Variants in VAV1 observed in about 807,000 individuals in gnomAD.
The protein encoded by VAV1 is proto-oncogene vav.
VAV1 carries 33 observed loss-of-function variants against 128.1 expected under a neutral mutation model. That is an observed-to-expected ratio of 0.26 (90% confidence interval 0.20 to 0.34). VAV1 has a LOEUF of 0.34. Among genes scored for constraint, VAV1 ranks in the 10% least tolerant of loss-of-function variants. The pLI, the probability that VAV1 is intolerant of heterozygous loss-of-function variation, is 1.00. For missense variants in VAV1, 715 were observed against 1,093.7 expected, an observed-to-expected ratio of 0.65 and a Z score of 4.88; for synonymous variants, 394 against 409.8, an observed-to-expected ratio of 0.96 and a Z score of 0.47.
intron 1 of VAV1, among the ~76,000 whole-genome samples, chr19:6,809,616 T>C (rs1463181143): frequency 6.6e-6 from 1 of 151,922 alleles, no homozygotes; most frequent in South Asian, 2.1e-4. Flanking sequence ...AACTTTGTGT[T>C]GGGGATGATG....
intron 1 of VAV1, among the ~76,000 whole-genome samples, chr19:6,806,679 T>A (rs1971404772): frequency 6.6e-6 from 1 of 152,166 alleles, no homozygotes; most frequent in Non-Finnish European, 1.5e-5. Flanking sequence ...CACTCTCTCA[T>A]TGGTCTGAAG....
chr19:6,853,918 C>T, intron 25 of VAV1, 29 bp from the exon 26 acceptor site: 1 of 1,601,338 alleles, frequency 6.2e-7, no homozygotes. Context: ...GCCCCAGACC[C>T]TTTTCTCACT....
At chr19:6,846,440 T>C (rs1972525548) in intron 22 of VAV1, among the ~76,000 whole-genome samples, 1 of 151,238 alleles carries the variant, frequency 6.6e-6, no homozygotes, top group Admixed American at 6.6e-5. Context: ...TACAGAAAAT[T>C]AGCTGGGCGT....
chr19:6,783,895 G>A (rs1341810857), intron 1 of VAV1, among the ~76,000 whole-genome samples: 2 of 152,122 alleles, frequency 1.3e-5, no homozygotes, highest in Admixed American at 1.3e-4. Flanking sequence ...AGAAGTCACT[G>A]CCGTAGAACC....
At position 6,777,924 on chromosome 19, in the gene VAV1, C is replaced by T. The variant is rs1397254355; in HGVS notation, c.204+4913C>T. 6.6e-6 allele frequency among the ~76,000 whole-genome samples: 1 copy of T among 152,154 alleles called. No individual in the cohort carries two copies. Among genetic ancestry groups the T allele is most frequent in the Admixed American group, 6.6e-5 (1 of 15,256 alleles). On this transcript the variant is annotated intron_variant, in intron 1 of 26. Coordinates refer to ENST00000602142, the MANE Select transcript of VAV1 (RefSeq NM_005428.4). The surrounding 1 kb of genome is among the most constrained non-coding windows in gnomAD (Gnocchi z 4.4). ...CAAGCAATTCTCCTGCAGCAGCCTC[C>T]TGAGTATCTGGGATTACAGGCGCCT...
At chr19:6,779,027 C>A (rs759550429) in intron 1 of VAV1, among the ~76,000 whole-genome samples, 1 of 146,038 alleles carries the variant, frequency 6.8e-6, no homozygotes, top group Non-Finnish European at 1.5e-5. Context: ...CAGGTGTGCA[C>A]CGGCATACCT....
Position 6,826,684 on chromosome 19 carries a change from C to G in VAV1, c.900C>G (p.Ala300=), listed in dbSNP as rs1379398284. The change falls in exon 9 of 27, where the codon GCC becomes GCG. Residue 300 remains alanine, a synonymous_variant. Transcript: ENST00000602142. This position sits in a 1 kb window ranked among gnomAD's most constrained non-coding sequence, Gnocchi z 4.1. ...ASKHLDRVAA[A]REDVQMKLEE... is the part of the protein sequence containing the mutation. Reference sequence around the variant, plus strand: ...AACACCTGGACCGTGTGGCCGCAGCCCGGGAGGACGTGCAGATGAAGCTGG... The same window carrying G: ...AACACCTGGACCGTGTGGCCGCAGCGCGGGAGGACGTGCAGATGAAGCTGG... 4 of 1,557,508 alleles carry G rather than the reference C, an allele frequency of 2.6e-6. No individual in the cohort carries two copies. The South Asian group carries it at 4.7e-5, about 18-fold the overall frequency.
At chr19:6,814,686 T>TCTCTC (rs1568299290) in intron 1 of VAV1, among the ~76,000 whole-genome samples, 2 of 117,968 alleles carry the variant, frequency 1.7e-5, no homozygotes, top group African/African-American at 8.0e-5. Context: ...CTTTCTTTCT[T>TCTCTC]TCTTTCTTTC....
At position 6,828,366 on chromosome 19, in the gene VAV1, C is replaced by T. The variant is rs1285431662; in HGVS notation, c.1024-53C>T. The T allele has an allele frequency of 6.8e-6, 11 of 1,608,828 alleles. No individual in the cohort carries two copies. Among genetic ancestry groups the T allele is most frequent in the African/African-American group, 4.0e-5 (3 of 74,796 alleles). ...CTAGCATTGTTTGGAAGGCCCTCCC[C>T]GCAGGGAGAAGGGGAGGGGCCCAGG... On this transcript the variant is annotated intron_variant, in intron 10 of 26. Transcript: ENST00000602142. This position sits in a 1 kb window ranked among gnomAD's most constrained non-coding sequence, Gnocchi z 4.5.
At chr19:6,818,841 C>G (rs529875285) in intron 1 of VAV1, among the ~76,000 whole-genome samples, 13 of 152,224 alleles carry the variant, frequency 8.5e-5, no homozygotes, top group Admixed American at 2.6e-4. Flanking sequence ...ACTGGCCGGG[C>G]GTGGTGGCTC....
At chr19:6,832,676 CCTCTTCTTT>C (rs1568309828) in intron 15 of VAV1, among the ~76,000 whole-genome samples, 1 of 143,800 alleles carries the variant, frequency 7.0e-6, no homozygotes, top group Non-Finnish European at 1.5e-5. Flanking sequence ...TCCTCTTCCT[CCTCTTCTTT>C]CTCTTCCTCC....
chr19:6,825,461 T>C (rs540381986), intron 8 of VAV1, 55 bp downstream of exon 8: 3 of 1,500,396 alleles, frequency 2.0e-6, no homozygotes, highest in Non-Finnish European at 1.8e-6. Context: ...TTGCCTAGGC[T>C]GGGCATCTGA....
intron 1 of VAV1, among the ~76,000 whole-genome samples, chr19:6,776,191 TCCAC>T (rs1970622309): frequency 8.5e-6 from 1 of 117,896 alleles, no homozygotes; most frequent in African/African-American, 3.0e-5. Flanking sequence ...CATCCATCCA[TCCAC>T]TCCTCCATCC....
intron 1 of VAV1, among the ~76,000 whole-genome samples, chr19:6,809,685 G>A (rs753445386): frequency 5.3e-4 from 81 of 152,280 alleles, no homozygotes; most frequent in Admixed American, 2.6e-3. Context: ...CTGTATGAAG[G>A]TGGGCTGGGA....
Position 6,833,296 on chromosome 19 carries a change from G to A in VAV1, c.1610+11G>A, listed in dbSNP as rs755778761. The A allele has an allele frequency of 6.9e-6, 11 of 1,604,386 alleles. No homozygotes were observed. Among genetic ancestry groups the A allele is most frequent in the South Asian group, 1.1e-5 (1 of 88,738 alleles). On this transcript the variant is annotated intron_variant, in intron 16 of 26. Coordinates refer to ENST00000602142, the MANE Select transcript of VAV1 (RefSeq NM_005428.4). ...TCAGATGCTGCTTAGGTGAGAATCT[G>A]GGAGGAGGGTCCTGCATACCGGACT...
At chr19:6,789,249 TCTC>T (rs1970961177) in intron 1 of VAV1, among the ~76,000 whole-genome samples, 1 of 151,228 alleles carries the variant, frequency 6.6e-6, no homozygotes, top group Non-Finnish European at 1.5e-5. Context: ...TTTCTTTCTC[TCTC>T]CTTTCTTCTT....
chr19:6,808,105 G>A (rs187981785), intron 1 of VAV1, among the ~76,000 whole-genome samples: 1 of 152,100 alleles, frequency 6.6e-6, no homozygotes, highest in African/African-American at 2.4e-5. Context: ...CTGAGGTCAG[G>A]AGTTTGAGAC....
At chr19:6,844,388 T>C (rs1972464177) in intron 22 of VAV1, among the ~76,000 whole-genome samples, 1 of 152,004 alleles carries the variant, frequency 6.6e-6, no homozygotes, top group Admixed American at 6.6e-5. Flanking sequence ...GCTAATTTTT[T>C]ATATTTTCAG....
intron 24 of VAV1, among the ~76,000 whole-genome samples, chr19:6,852,190 T>A (rs1230400909): frequency 6.6e-6 from 1 of 152,170 alleles, no homozygotes; most frequent in Non-Finnish European, 1.5e-5. Flanking sequence ...ATTGTTTAAA[T>A]CTTTTTTAGA....
Sources: gnomAD v4.1 joint callset for allele counts (sites outside exome capture counted in the v4.1 genomes callset) on GRCh38, gnomAD v4.1.1 for gene constraint, Gnocchi (gnomAD v3.1) non-coding constraint, MANE v1.5 for transcripts, NCBI Gene and HGNC (gene_info 2026-07-23, HGNC 2026-07-21) for gene names.